BCL2: variants seen among roughly 807,000 people sequenced by gnomAD.
BCL2 encodes BCL2 apoptosis regulator, also known as apoptosis regulator Bcl-2.
BCL2 carries 1 observed loss-of-function variant against 14.2 expected under a neutral mutation model. The ratio of observed to expected loss-of-function variants is 0.07; its 90% CI spans 0.02 to 0.33. The LOEUF (loss-of-function observed/expected upper bound fraction) is 0.33. Ranked by LOEUF, BCL2 falls within the 10% of genes least tolerant of loss-of-function variation. The pLI, the probability that BCL2 is intolerant of heterozygous loss-of-function variation, is 0.99. For missense variants in BCL2, 247 were observed against 305.9 expected (o/e 0.81, Z 1.44); for synonymous variants, 151 against 137.2 (o/e 1.10, Z -0.70).
chr18:63,132,198 C>G (rs1410783335), intron 2 of BCL2, among the ~76,000 whole-genome samples: 1 of 152,198 alleles, frequency 6.6e-6, no homozygotes, highest in Non-Finnish European at 1.5e-5. Flanking sequence ...TAACCTTCAG[C>G]AGATAACCCA....
chr18:63,148,412 G>A (rs960274377), intron 2 of BCL2, among the ~76,000 whole-genome samples: 57 of 152,256 alleles, frequency 3.7e-4, no homozygotes, highest in African/African-American at 1.3e-3. Flanking sequence ...AAAATGCCCA[G>A]ATGAAAATCT....
chr18:63,254,317 G>A (rs777595102), intron 2 of BCL2, among the ~76,000 whole-genome samples: 1 of 149,546 alleles, frequency 6.7e-6, no homozygotes, highest in South Asian at 2.1e-4. Flanking sequence ...AGGCTGAGGC[G>A]GGTGGATCAC....
At chr18:63,193,055 C>T (rs951492479) in intron 2 of BCL2, among the ~76,000 whole-genome samples, 3 of 152,190 alleles carry the variant, frequency 2.0e-5, no homozygotes, top group African/African-American at 4.8e-5. Context: ...GCAAAGTCAA[C>T]CGCTGAGTTC....
In BCL2 at chr18:63,127,147, A is replaced by G; in HGVS notation, c.*1478T>C. On this transcript the variant is annotated 3_prime_UTR_variant, in exon 3 of 3. Coordinates refer to ENST00000333681, the MANE Select transcript of BCL2 (RefSeq NM_000633.3). ...AACTACAGTGACAAGATAATGTTTTACATGTAATTCCATAGACAGGGGTCA... is the reference window on the plus strand; with the variant it reads ...AACTACAGTGACAAGATAATGTTTTGCATGTAATTCCATAGACAGGGGTCA... The G allele has an allele frequency of 4.4e-6, 1 of 229,214 alleles. No individual in the cohort carries two copies. The highest frequency in any genetic ancestry group is 8.7e-6 in the Non-Finnish European group (1 of 115,562). The allele number at this position is 229,214 out of a possible 1,614,324, so 14.2% of individuals were successfully genotyped here.
chr18:63,289,560 C>T (rs1011085528), intron 2 of BCL2, among the ~76,000 whole-genome samples: 5 of 151,898 alleles, frequency 3.3e-5, no homozygotes, highest in Non-Finnish European at 7.4e-5. Context: ...GGAATTTGAA[C>T]AGCTGGATAA....
At chr18:63,274,546 A>G (rs1278496861) in intron 2 of BCL2, among the ~76,000 whole-genome samples, 1 of 152,074 alleles carries the variant, frequency 6.6e-6, no homozygotes, top group East Asian at 1.9e-4. Flanking sequence ...TGGACTCCCA[A>G]AGTGCTGGGA....
intron 2 of BCL2, among the ~76,000 whole-genome samples, chr18:63,154,002 T>G (rs934729582): frequency 6.6e-6 from 1 of 152,218 alleles, no homozygotes; most frequent in Non-Finnish European, 1.5e-5. Context: ...TGAATCTCTT[T>G]TGAACCTCAA....
intron 2 of BCL2, among the ~76,000 whole-genome samples, chr18:63,169,333 C>CT (rs1240035313): frequency 0.018 from 959 of 52,360 alleles, 47 homozygotes; most frequent in Middle Eastern, 0.03. Flanking sequence ...CTTTCCTTTC[C>CT]TTCCTTTCTT....
chr18:63,173,218 T>C (rs1429475628), intron 2 of BCL2, among the ~76,000 whole-genome samples: 1 of 152,230 alleles, frequency 6.6e-6, no homozygotes, highest in Non-Finnish European at 1.5e-5. Context: ...TTAGCTCCAA[T>C]ATAGAAGTTG....
At chr18:63,251,652 AAAAG>A (rs1379078640) in intron 2 of BCL2, among the ~76,000 whole-genome samples, 2 of 151,262 alleles carry the variant, frequency 1.3e-5, no homozygotes, top group African/African-American at 2.4e-5. Flanking sequence ...CTCAAAAAAA[AAAAG>A]AAAGAAAGAA....
At chr18:63,315,210 T>C (rs1913458947) in intron 2 of BCL2, 1 of 152,272 alleles carries the variant, frequency 6.6e-6, no homozygotes, top group African/African-American at 2.4e-5. Flanking sequence ...TGCTACTGTC[T>C]ATAAGCCACA....
intron 2 of BCL2, among the ~76,000 whole-genome samples, chr18:63,246,136 G>A (rs559197686): frequency 5.3e-5 from 8 of 152,286 alleles, no homozygotes; most frequent in Non-Finnish European, 1.0e-4. Context: ...CAGCTGTTTT[G>A]TGGATGTTCC....
At chr18:63,148,442 A>AC (rs1328855306) in intron 2 of BCL2, among the ~76,000 whole-genome samples, 1 of 152,198 alleles carries the variant, frequency 6.6e-6, no homozygotes, top group African/African-American at 2.4e-5. Flanking sequence ...AATTACCAGC[A>AC]CCATATAAAT....
rs183314738 is a variant in BCL2, at chr18:63,169,417, C to T, written c.586-40658G>A. 5.1e-3 allele frequency among the ~76,000 whole-genome samples: 451 copies of T among 88,664 alleles called. 39 individuals carry two copies. Among genetic ancestry groups the T allele is most frequent in the African/African-American group, 0.013 (278 of 20,922 alleles). 58.2% of individuals were successfully genotyped at this position (88,664 alleles called of 152,430 possible). A position where few individuals can be genotyped will look rare whatever the true frequency, so the allele number is the denominator to read the frequency against. ...TCTTTCTTTCTTTTTCTTTCTCTCT[C>T]TCTCTCTCTCTTTCTTTTTCTTTCT... On this transcript the variant is annotated intron_variant, in intron 2 of 2. Coordinates refer to ENST00000333681, the MANE Select transcript of BCL2 (RefSeq NM_000633.3).
intron 2 of BCL2, among the ~76,000 whole-genome samples, chr18:63,220,714 T>C (rs915230638): frequency 2.0e-5 from 3 of 151,712 alleles, no homozygotes; most frequent in African/African-American, 7.3e-5. Flanking sequence ...ATGGTTCAAA[T>C]GACAATTTCA....
At chr18:63,281,993 C>G (rs558115988) in intron 2 of BCL2, among the ~76,000 whole-genome samples, 30 of 152,284 alleles carry the variant, frequency 2.0e-4, no homozygotes, top group African/African-American at 7.2e-4. Context: ...TAAATACGCA[C>G]AAGGATTTCT....
intron 2 of BCL2, among the ~76,000 whole-genome samples, chr18:63,312,326 G>C (rs915952160): frequency 2.0e-5 from 3 of 152,196 alleles, no homozygotes; most frequent in Admixed American, 6.5e-5. Context: ...CCCATGGCTT[G>C]GAAGAGAGAG....
intron 2 of BCL2, among the ~76,000 whole-genome samples, chr18:63,168,967 G>A (rs925737101): frequency 1.3e-5 from 2 of 152,206 alleles, no homozygotes; most frequent in Admixed American, 6.5e-5. Context: ...TTATCTTGGG[G>A]TCTTAACTGT....
chr18:63,318,657 C>A lies in BCL2; in HGVS notation c.10G>T (p.Ala4Ser), dbSNP rs768498963. The change falls in exon 2 of 3, where the codon GCT (alanine) becomes TCT (serine). Residue 4 changes from alanine (A) to serine (S), a missense_variant. This residue lies in a region of BCL2 where 144 missense variants were observed against 135.3 expected (regional missense o/e 1.06). Coordinates refer to ENST00000333681, the MANE Select transcript of BCL2 (RefSeq NM_000633.3). The surrounding 1 kb of genome is among the most constrained non-coding windows in gnomAD (Gnocchi z 7.4). MAHAGRTGYDNREI... is the reference protein window; with the variant it reads MAHSGRTGYDNREI... Reference sequence around the variant, plus strand: ...CGGTTATCGTACCCTGTTCTCCCAGCGTGCGCCATCCTTCCCAGAGGAAAA... The same window carrying A: ...CGGTTATCGTACCCTGTTCTCCCAGAGTGCGCCATCCTTCCCAGAGGAAAA... The A allele has an allele frequency of 1.9e-6, 3 of 1,612,902 alleles. No individual in the cohort carries two copies. Among genetic ancestry groups the A allele is most frequent in the Non-Finnish European group, 2.5e-6 (3 of 1,179,388 alleles).
Sources: allele counts gnomAD v4.1 joint callset (sites outside exome capture counted in the v4.1 genomes callset), GRCh38; gene constraint gnomAD v4.1.1; regional missense constraint gnomAD v4.1.1; non-coding constraint Gnocchi (gnomAD v3.1); transcripts MANE v1.5; gene names NCBI Gene and HGNC (gene_info 2026-07-23, HGNC 2026-07-21).